The following ACSM3 variants were observed in gnomAD, a reference collection of about 807,000 sequenced individuals.
ACSM3 encodes acyl-coenzyme A synthetase ACSM3, mitochondrial.
A neutral mutation model predicts 74.1 loss-of-function variants in ACSM3; 61 were observed. That is an observed-to-expected ratio of 0.82 (90% CI 0.67 to 1.02). ACSM3 has a LOEUF of 1.02. Among genes scored for constraint, ACSM3 ranks in the 50% least tolerant of loss-of-function variants. The probability of loss-of-function intolerance (pLI) is 0.00; values close to 1 mark genes in which losing one functional copy is unlikely to be tolerated. For synonymous variants in ACSM3, 213 were observed against 241.5 expected, an observed-to-expected ratio of 0.88 and a Z score of 1.09; for missense variants, 660 against 697.0, an observed-to-expected ratio of 0.95 and a Z score of 0.60.
intron 1 of ACSM3, among the ~76,000 whole-genome samples, chr16:20,730,912 G>A (rs976250726): frequency 6.6e-6 from 1 of 152,174 alleles, no homozygotes; most frequent in Non-Finnish European, 1.5e-5. Context: ...AAAAGCAGGA[G>A]TGCAGTGGTG....
At chr16:20,686,167 A>C (rs1370393085) in intron 1 of ACSM3, among the ~76,000 whole-genome samples, 1 of 152,178 alleles carries the variant, frequency 6.6e-6, no homozygotes, top group Non-Finnish European at 1.5e-5. Flanking sequence ...TTATCACAAT[A>C]AAACAAAACA....
chr16:20,720,759 T>A (rs956489778), intron 1 of ACSM3, among the ~76,000 whole-genome samples: 5 of 152,206 alleles, frequency 3.3e-5, no homozygotes, highest in Non-Finnish European at 7.3e-5. Flanking sequence ...ACAAAGATCA[T>A]GTGTGTATTT....
chr16:20,766,269 A>G (rs527294733), intron 1 of ACSM3, among the ~76,000 whole-genome samples: 2 of 152,000 alleles, frequency 1.3e-5, no homozygotes, highest in East Asian at 3.9e-4. Context: ...GCAAAATTAT[A>G]CAAAAACTCA....
At chr16:20,723,660 T>C (rs367932397) in intron 1 of ACSM3, among the ~76,000 whole-genome samples, 38 of 152,162 alleles carry the variant, frequency 2.5e-4, no homozygotes, top group South Asian at 1.0e-3. Flanking sequence ...TTTCATGTGT[T>C]TTTTGGCTGC....
chr16:20,718,425 G>A (rs769221070), intron 1 of ACSM3: 22 of 728,362 alleles, frequency 3.0e-5, no homozygotes, highest in Non-Finnish European at 3.9e-5. Flanking sequence ...CCAGTGGGAC[G>A]ACAGGCTCTC....
At chr16:20,730,074 T>C (rs1026815435) in intron 1 of ACSM3, among the ~76,000 whole-genome samples, 1 of 152,136 alleles carries the variant, frequency 6.6e-6, no homozygotes, top group Non-Finnish European at 1.5e-5. Context: ...CTCTCACCAA[T>C]GTGGTTCAGG....
chr16:20,719,929 T>G (rs932020546), intron 1 of ACSM3, among the ~76,000 whole-genome samples: 81 of 152,358 alleles, frequency 5.3e-4, no homozygotes, highest in African/African-American at 1.9e-3. Flanking sequence ...AATTCTAATT[T>G]CTTTAGCCTT....
intron 7 of ACSM3, chr16:20,783,667 A>G (rs2080403264): frequency 6.6e-6 from 1 of 152,238 alleles, no homozygotes; most frequent in Non-Finnish European, 1.5e-5. Context: ...CAAAAGGTAT[A>G]TAAAAATACA....
At chr16:20,764,752 T>C (rs746278902) in intron 1 of ACSM3, 9 of 152,170 alleles carry the variant, frequency 5.9e-5, no homozygotes, top group Non-Finnish European at 1.2e-4. Context: ...GGCTGAGATT[T>C]TCATTGTACT....
At chr16:20,718,274 T>C (rs1436500095) in intron 1 of ACSM3, 1 of 344,478 alleles carries the variant, frequency 2.9e-6, no homozygotes, top group Non-Finnish European at 4.9e-6. Flanking sequence ...AGGGCATAAG[T>C]AGCTGAGCAG....
At chr16:20,718,390 CA>C in intron 1 of ACSM3, 1 of 947,680 alleles carries the variant, frequency 1.1e-6, no homozygotes, top group Non-Finnish European at 1.4e-6. Context: ...AACAGGAAGT[CA>C]AGAACCAGTG....
chr16:20,677,293 TATC>T, intron 1 of ACSM3, among the ~76,000 whole-genome samples: 1 of 151,584 alleles, frequency 6.6e-6, no homozygotes, highest in South Asian at 2.1e-4. Context: ...TAACTAAGCT[TATC>T]TTCTTGTATG....
rs530872686 is a variant in ACSM3, at chr16:20,755,794, C to A, written c.-52+178C>A. 5.2e-4 allele frequency among the ~76,000 whole-genome samples: 63 copies of A among 121,178 alleles called. 3 individuals are homozygous for A. The South Asian group carries it at 0.019, about 37-fold the overall frequency. The allele number at this position is 121,178 out of a possible 152,430, so 79.5% of individuals were successfully genotyped here. A position where few individuals can be genotyped will look rare whatever the true frequency, so the allele number is the denominator to read the frequency against. ...ATGCTATCCCTCCCCCCCCCCCACC[C>A]CACAGCAGTCCCCAGAGTGTGATGT... On this transcript the variant is annotated intron_variant, in intron 3 of 3. Transcript: ENST00000561584.
chr16:20,730,632 A>G (rs2079824305), intron 1 of ACSM3, among the ~76,000 whole-genome samples: 1 of 152,130 alleles, frequency 6.6e-6, no homozygotes, highest in Non-Finnish European at 1.5e-5. Context: ...TCTCAGAAAT[A>G]GTTTCCTCCT....
intron 1 of ACSM3, among the ~76,000 whole-genome samples, chr16:20,741,055 A>T (rs1337892940): frequency 6.6e-6 from 1 of 152,082 alleles, no homozygotes; most frequent in African/African-American, 2.4e-5. Context: ...GCTTGAGTGT[A>T]GGGTTTAGGA....
chr16:20,768,616 G>C (rs2080154287), intron 1 of ACSM3, among the ~76,000 whole-genome samples: 1 of 152,114 alleles, frequency 6.6e-6, no homozygotes, highest in African/African-American at 2.4e-5. Context: ...TGATTTAATT[G>C]ATCCAAGACC....
intron 12 of ACSM3, among the ~76,000 whole-genome samples, chr16:20,793,889 C>T (rs537014532): frequency 9.7e-4 from 147 of 152,236 alleles, no homozygotes; most frequent in Non-Finnish European, 1.6e-3. Context: ...CTGAGCCTTT[C>T]GGAACAGGGT....
chr16:20,787,169 A>G (rs917558861), intron 9 of ACSM3, among the ~76,000 whole-genome samples: 1 of 152,240 alleles, frequency 6.6e-6, no homozygotes, highest in Non-Finnish European at 1.5e-5. Context: ...TCCTCAACTT[A>G]TGATAGGGTT....
intron 1 of ACSM3, chr16:20,679,043 C>A (rs1234507295): frequency 6.6e-6 from 1 of 152,258 alleles, no homozygotes; most frequent in South Asian, 2.1e-4. Flanking sequence ...AGACCCAGTA[C>A]ACCCTTTCAA....
Sources: gnomAD v4.1 joint callset for allele counts (sites outside exome capture counted in the v4.1 genomes callset) on GRCh38, gnomAD v4.1.1 for gene constraint, MANE v1.5 for transcripts, NCBI Gene and HGNC (gene_info 2026-07-23, HGNC 2026-07-21) for gene names.